Variants in DMBT1 observed in about 807,000 individuals in gnomAD.
DMBT1 encodes scavenger receptor cysteine-rich domain-containing protein DMBT1.
Under a neutral mutation model 252.9 loss-of-function variants are expected in DMBT1, and 198 were observed. That is an observed-to-expected ratio of 0.78 (90% CI 0.70 to 0.88). The LOEUF (loss-of-function observed/expected upper bound fraction) is 0.88. DMBT1 is among the 40% of genes least tolerant of loss of function. The pLI, the probability that DMBT1 is intolerant of heterozygous loss-of-function variation, is 0.00. For synonymous variants in DMBT1, 990 were observed against 942.7 expected (o/e 1.05, Z -0.92); for missense variants, 2,432 against 2,404.7 (o/e 1.01, Z -0.24).
chr10:122,631,447 C>T (rs940771482), intron 49 of DMBT1, among the ~76,000 whole-genome samples, 166 bp downstream of exon 49: 1 of 152,200 alleles, frequency 6.6e-6, no homozygotes, highest in African/African-American at 2.4e-5. Context: ...TTATCTTTGG[C>T]CAGTTTCTGG....
At chr10:122,626,614 G>T (rs2098120901) in intron 46 of DMBT1, among the ~76,000 whole-genome samples, 1 of 152,132 alleles carries the variant, frequency 6.6e-6, no homozygotes, top group African/African-American at 2.4e-5. Flanking sequence ...ACTGTGTTAG[G>T]TATTTTAAGA....
rs767410970 is a variant in DMBT1, at chr10:122,629,932, T to A, written c.5761T>A (p.Cys1921Ser). ...YPAYYPNNAK[C>S]VWEIEVNSGY... The stretch of plus-strand genomic sequence containing the variant: ...TGCATACTACCCCAACAATGCTAAG[T>A]GTGTTTGGGAAATAGAAGTGAATTC... Residue 1921 changes from cysteine (C) to serine (S), a missense_variant, in exon 47 of 56, where the codon TGT becomes AGT. By Grantham distance (112) the Cys-to-Ser change is moderately radical. Coordinates refer to ENST00000338354, the MANE Select transcript of DMBT1 (RefSeq NM_001377530.1). The A allele has an allele frequency of 6.2e-7, 1 of 1,613,950 alleles. No individual in the cohort carries two copies.
intron 46 of DMBT1, 31 bp from the exon 47 acceptor site, chr10:122,629,809 A>T: frequency 6.2e-7 from 1 of 1,609,474 alleles, no homozygotes; most frequent in Non-Finnish European, 8.5e-7. Flanking sequence ...AAGACCTGGT[A>T]CAATGGAGAT....
chr10:122,599,895 C>T (rs369805730), intron 26 of DMBT1, among the ~76,000 whole-genome samples, 169 bp from the exon 27 acceptor site: 4 of 152,106 alleles, frequency 2.6e-5, no homozygotes, highest in Admixed American at 2.6e-4. Context: ...CTGCCTCGAC[C>T]CCTTACATGG....
chr10:122,620,307 G>A lies in DMBT1; in HGVS notation c.5284+16G>A, dbSNP rs753948351. 21 of 1,613,678 alleles carry A rather than the reference G, an allele frequency of 1.3e-5. 1 individual carries two copies. In the South Asian group the frequency reaches 1.9e-4, roughly 14 times the overall value. On this transcript the variant is annotated intron_variant, in intron 43 of 55. Transcript: ENST00000338354. ...TTGACAGTAGGTAAATAATCCTCTC[G>A]CCCCTCCCTAGGGCTCACTCTCTAC...
intron 50 of DMBT1, 81 bp from the exon 51 acceptor site, chr10:122,632,780 C>G: frequency 1.9e-6 from 3 of 1,564,600 alleles, no homozygotes; most frequent in Non-Finnish European, 2.6e-6. Context: ...CTTGGCACAG[C>G]ATCTGCACAG....
intron 45 of DMBT1, 46 bp downstream of exon 45, chr10:122,625,349 C>T (rs1385556304): frequency 1.9e-6 from 3 of 1,569,928 alleles, no homozygotes; most frequent in South Asian, 1.1e-5. Context: ...CTTGGGAATT[C>T]CACCCTCTCT....
chr10:122,637,462 T>A (rs2098236258), intron 54 of DMBT1, 150 bp downstream of exon 54: 1 of 889,522 alleles, frequency 1.1e-6, no homozygotes, highest in East Asian at 2.7e-5. Flanking sequence ...AAACCTTTGG[T>A]GCTATGATAT....
rs1239317379 is a variant in DMBT1 at position 122,589,164 on chromosome 10, T to A, written c.2004T>A (p.Asp668Glu). ...GQGSGPIVLD[D>E]VRCSGHESYL... ...GCTCAGGACCCATTGTCCTGGATGA[T>A]GTGCGCTGCTCAGGACATGAGTCCT... The change falls in exon 17 of 56, where the codon GAT (aspartate) becomes GAA (glutamate). Residue 668 changes from aspartate (D) to glutamate (E), a missense_variant. Transcript: ENST00000338354. 3 of 1,588,484 alleles carry A rather than the reference T, an allele frequency of 1.9e-6. No homozygotes were observed. Among genetic ancestry groups the A allele is most frequent in the East Asian group, 4.7e-5 (2 of 42,698 alleles).
At position 122,621,082 on chromosome 10, in the gene DMBT1, G is replaced by A. The variant is rs759791802; in HGVS notation, c.5310G>A (p.Arg1770=). Reference sequence around the variant, plus strand: ...GATCTGAATCCAGTTTGGCTCTGAGGCTGGTGAATGGAGGTGACAGGTGTC... The same window carrying A: ...GATCTGAATCCAGTTTGGCTCTGAGACTGGTGAATGGAGGTGACAGGTGTC... ...TVGSESSLAL[R]LVNGGDRCRG... The change falls in exon 44 of 56, where the codon AGG becomes AGA. Residue 1770 remains arginine (R), a synonymous_variant. Coordinates refer to ENST00000338354, the MANE Select transcript of DMBT1 (RefSeq NM_001377530.1). The A allele has an allele frequency of 4.3e-6, 7 of 1,613,424 alleles. No individual in the cohort carries two copies. The highest frequency in any genetic ancestry group is 3.4e-6 in the Non-Finnish European group (4 of 1,179,736).
At chr10:122,560,953 G>A in intron 1 of DMBT1, 122 bp downstream of exon 1, 3 of 640,528 alleles carry the variant, frequency 4.7e-6, no homozygotes, top group South Asian at 2.7e-5. Context: ...GCACTTTGCT[G>A]ATAATTGTAA....
Position 122,598,801 on chromosome 10 carries a change from T to C in DMBT1, c.2984T>C (p.Leu995Pro), listed in dbSNP as rs769119473. ...VGSESSLALR[L>P]VNGGDRCQGR... ...TCTGAATCCAGTTTGGCCCTGAGGC[T>C]GGTGAATGGAGGTGACAGGTGTCAG... The change falls in exon 26 of 56, where the codon CTG (leucine) becomes CCG (proline). Residue 995 changes from leucine (L) to proline (P), a missense_variant. By Grantham distance (98) the Leu-to-Pro change is moderately conservative. Transcript: ENST00000338354. 6.2e-6 allele frequency: 10 copies of C among 1,613,300 alleles called. No individual in the cohort carries two copies. The Admixed American group carries it at 1.3e-4, about 22-fold the overall frequency.
intron 54 of DMBT1, among the ~76,000 whole-genome samples, chr10:122,637,970 A>G (rs1002843140): frequency 6.6e-6 from 1 of 152,228 alleles, no homozygotes; most frequent in Non-Finnish European, 1.5e-5. Context: ...AACTATGATT[A>G]TACTGAAGTT....
At chr10:122,630,527 G>C (rs776520702) in intron 48 of DMBT1, 37 bp downstream of exon 48, 5 of 1,595,136 alleles carry the variant, frequency 3.1e-6, no homozygotes, top group Non-Finnish European at 3.4e-6. Context: ...GAGGCTTGGT[G>C]GATTTACCCA....
chr10:122,627,807 G>A (rs1417267827), intron 46 of DMBT1, among the ~76,000 whole-genome samples: 1 of 152,184 alleles, frequency 6.6e-6, no homozygotes, highest in Non-Finnish European at 1.5e-5. Context: ...TAAGGGACTT[G>A]TATCTAGGAT....
chr10:122,641,697 C>A (rs781286084), intron 55 of DMBT1, among the ~76,000 whole-genome samples: 1 of 152,194 alleles, frequency 6.6e-6, no homozygotes, highest in Non-Finnish European at 1.5e-5. Flanking sequence ...GACCTTAGTT[C>A]TTCCTTGCCA....
At chr10:122,565,276 A>G (rs1472541487) in intron 1 of DMBT1, among the ~76,000 whole-genome samples, 1 of 152,216 alleles carries the variant, frequency 6.6e-6, no homozygotes, top group Non-Finnish European at 1.5e-5. Flanking sequence ...GATCTAATGG[A>G]TCCATATGGT....
chr10:122,584,292 G>A, intron 13 of DMBT1, 30 bp from the exon 14 acceptor site: 1 of 478,648 alleles, frequency 2.1e-6, no homozygotes, highest in South Asian at 2.5e-5. Context: ...TCTGTATAGT[G>A]CATCTGATCT....
chr10:122,620,345 G>A (rs1010367274), intron 43 of DMBT1, 54 bp downstream of exon 43: 23 of 1,586,232 alleles, frequency 1.4e-5, no homozygotes, highest in African/African-American at 1.1e-4. Context: ...CTGGACAAAC[G>A]TTTCTTTTGA....
Sources: allele counts gnomAD v4.1 joint callset (sites outside exome capture counted in the v4.1 genomes callset), GRCh38; gene constraint gnomAD v4.1.1; transcripts MANE v1.5; gene names NCBI Gene and HGNC (gene_info 2026-07-23, HGNC 2026-07-21).